PCOLCE2: variants seen among roughly 807,000 people sequenced by gnomAD.
PCOLCE2 encodes procollagen C-endopeptidase enhancer 2.
In PCOLCE2, 42 loss-of-function variants were observed where a neutral mutation model predicts 47.0. The ratio of observed to expected loss-of-function variants is 0.89; its 90% CI spans 0.70 to 1.16. The LOEUF is 1.16. Ranked by LOEUF, PCOLCE2 falls within the 50% of genes most tolerant of loss-of-function variation. The pLI, the probability that PCOLCE2 is intolerant of heterozygous loss-of-function variation, is 0.00. For synonymous variants in PCOLCE2, 169 were observed against 191.7 expected, an observed-to-expected ratio of 0.88 and a Z score of 0.98; for missense variants, 500 against 526.1, an observed-to-expected ratio of 0.95 and a Z score of 0.49.
At chr3:142,879,976 A>G (rs1318834787) in intron 2 of PCOLCE2, among the ~76,000 whole-genome samples, 1 of 151,126 alleles carries the variant, frequency 6.6e-6, no homozygotes. Context: ...ATCTCAAAAA[A>G]AAAAAAAAAA....
intron 5 of PCOLCE2, among the ~76,000 whole-genome samples, chr3:142,837,396 A>C (rs1937215572): frequency 6.6e-6 from 1 of 152,164 alleles, no homozygotes; most frequent in African/African-American, 2.4e-5. Context: ...CTGTAAACCA[A>C]ATTTGGGTAT....
chr3:142,823,610 T>G lies in PCOLCE2; in HGVS notation c.871A>C (p.Lys291Gln). Residue 291 changes from lysine (K) to glutamine (Q), a missense_variant, in exon 7 of 9, where the codon AAA (lysine) becomes CAA (glutamine). Lys to Gln is a moderately conservative substitution (Grantham distance 53, BLOSUM62 1). Transcript: ENST00000295992. Reference protein sequence around the residue: ...TTTFPVTTGLKPTVALCQQKC... With the variant: ...TTTFPVTTGLQPTVALCQQKC... ...TGTTGACACAAGGCCACGGTGGGTT[T>G]TAAACCTTAATTCAAAGAAGACATA... The G allele has an allele frequency of 6.3e-7, 1 of 1,591,832 alleles. No individual in the cohort carries two copies. The highest frequency in any genetic ancestry group is 8.6e-7 in the Non-Finnish European group (1 of 1,161,120).
At chr3:142,882,391 T>G (rs944941873) in intron 2 of PCOLCE2, among the ~76,000 whole-genome samples, 2 of 152,110 alleles carry the variant, frequency 1.3e-5, no homozygotes, top group African/African-American at 4.8e-5. Flanking sequence ...GTATTCTAGG[T>G]GGACCCCAAG....
intron 6 of PCOLCE2, chr3:142,827,662 A>T: frequency 7.0e-7 from 1 of 1,419,814 alleles, no homozygotes; most frequent in East Asian, 2.3e-5. Flanking sequence ...TCCGCTTCTT[A>T]AACCAGTACG....
At chr3:142,868,980 G>T (rs1933333527) in intron 2 of PCOLCE2, among the ~76,000 whole-genome samples, 1 of 151,922 alleles carries the variant, frequency 6.6e-6, no homozygotes, top group South Asian at 2.1e-4. Flanking sequence ...AGGCACAGGT[G>T]ACCAGCATTA....
Position 142,828,645 on chromosome 3 carries a change from C to G in PCOLCE2, c.865+1047G>C, listed in dbSNP as rs73864457. On this transcript the variant is annotated intron_variant, in intron 6 of 8. Transcript: ENST00000295992. ...GAGGCAGAAAATAGTGTGATAAAAA[C>G]AAGTTTGTATATGCTTTCATTTAAA... is the stretch of plus-strand genomic sequence containing the variant. 2.4e-3 allele frequency among the ~76,000 whole-genome samples: 373 copies of G among 152,278 alleles called. 1 individual carries two copies. Among genetic ancestry groups the G allele is most frequent in the African/African-American group, 8.8e-3 (364 of 41,550 alleles).
chr3:142,843,156 A>T, intron 3 of PCOLCE2, 108 bp from the exon 4 acceptor site: 1 of 1,081,062 alleles, frequency 9.3e-7, no homozygotes, highest in South Asian at 1.3e-5. Context: ...ACAGTAAATA[A>T]AGGCAACAGC....
At chr3:142,872,606 CCCCATT>C (rs1331517064) in intron 2 of PCOLCE2, among the ~76,000 whole-genome samples, 2 of 152,110 alleles carry the variant, frequency 1.3e-5, no homozygotes, top group Non-Finnish European at 2.9e-5. Flanking sequence ...TCTCATTGAT[CCCCATT>C]CCAACATCCT....
In PCOLCE2 at chr3:142,820,951, C is replaced by A. The variant is rs372460276; in HGVS notation, c.1044G>T (p.Ala348=). The stretch of plus-strand genomic sequence containing the variant: ...TCATGTTCTTGCCCGCCTGCTGAAT[C>A]GCCAAATTTCCCTCTTTGTAGATGT... ...IINIYKEGNL[A]IQQAGKNMSA... is the part of the protein sequence containing the mutation. The change falls in exon 8 of 9, where the codon GCG becomes GCT. Residue 348 remains alanine (A), a synonymous_variant. Coordinates refer to ENST00000295992, the MANE Select transcript of PCOLCE2 (RefSeq NM_013363.4). The A allele has an allele frequency of 1.9e-6, 3 of 1,613,964 alleles. No individual in the cohort carries two copies. The highest frequency in any genetic ancestry group is 2.5e-6 in the Non-Finnish European group (3 of 1,179,982).
intron 6 of PCOLCE2, among the ~76,000 whole-genome samples, chr3:142,826,503 T>G (rs1269028169): frequency 6.6e-6 from 1 of 152,214 alleles, no homozygotes; most frequent in Non-Finnish European, 1.5e-5. Flanking sequence ...GAAACTTTCC[T>G]TCTCAGTTTA....
intron 5 of PCOLCE2, among the ~76,000 whole-genome samples, chr3:142,830,657 G>A (rs1452791704): frequency 6.6e-6 from 1 of 152,090 alleles, no homozygotes; most frequent in Non-Finnish European, 1.5e-5. Context: ...TAGTGGAGAT[G>A]GTAAGTGAGG....
At chr3:142,836,788 G>A (rs866516125) in intron 5 of PCOLCE2, among the ~76,000 whole-genome samples, 3 of 152,050 alleles carry the variant, frequency 2.0e-5, no homozygotes, top group African/African-American at 4.8e-5. Flanking sequence ...AAGGGAGGTA[G>A]AGGATAAACA....
chr3:142,870,498 A>T (rs1011355417), intron 2 of PCOLCE2, among the ~76,000 whole-genome samples: 2 of 152,082 alleles, frequency 1.3e-5, no homozygotes, highest in Admixed American at 6.6e-5. Context: ...CGTTAGGAAG[A>T]CTCCAAACTC....
intron 7 of PCOLCE2, among the ~76,000 whole-genome samples, chr3:142,821,995 G>A (rs978303475): frequency 3.9e-5 from 6 of 151,964 alleles, no homozygotes; most frequent in Middle Eastern, 3.2e-3. Context: ...TCAGCTCACT[G>A]CAACCTCCAC....
chr3:142,887,428 A>T (rs1933736897), intron 2 of PCOLCE2: 1 of 368,766 alleles, frequency 2.7e-6, no homozygotes, highest in South Asian at 6.0e-5. Flanking sequence ...TCAGAAACAC[A>T]TCTGCTCTGA....
chr3:142,818,699 G>T (rs1388418581), intron 8 of PCOLCE2, among the ~76,000 whole-genome samples: 2 of 152,160 alleles, frequency 1.3e-5, no homozygotes, highest in African/African-American at 2.4e-5. Context: ...TCCTGCCTCA[G>T]ACTCCAAAGT....
Position 142,850,428 on chromosome 3 carries a change from G to A in PCOLCE2, c.193-1956C>T, listed in dbSNP as rs1937376799. Among the ~76,000 whole-genome samples, 4 of 152,196 alleles carry A rather than the reference G, an allele frequency of 2.6e-5. No individual in the cohort carries two copies. In the South Asian group the frequency reaches 8.3e-4, roughly 31 times the overall value. On this transcript the variant is annotated intron_variant, in intron 2 of 8. Transcript: ENST00000295992. ...GAGTGAATGTGGATAGAAAAAGGAAGAGGTCTAAGTATAGAGGCCTGGAAC... is the reference window on the plus strand; with the variant it reads ...GAGTGAATGTGGATAGAAAAAGGAAAAGGTCTAAGTATAGAGGCCTGGAAC...
At position 142,821,022 on chromosome 3, in the gene PCOLCE2, T is replaced by A; in HGVS notation, c.973A>T (p.Thr325Ser). The A allele has an allele frequency of 6.2e-7, 1 of 1,611,488 alleles. No homozygotes were observed. The highest frequency in any genetic ancestry group is 8.5e-7 in the Non-Finnish European group (1 of 1,177,884). Reference protein sequence around the residue: ...DFVLAGTVITTITRDGSLHAT... With the variant: ...DFVLAGTVITSITRDGSLHAT... ...TGCAAACTCCCATCGCGAGTGATGG[T>A]TGTGATAACAGTGCCGGCTAATACT... The change falls in exon 8 of 9, where the codon ACC becomes TCC. Residue 325 changes from threonine to serine, a missense_variant. Coordinates refer to ENST00000295992, the MANE Select transcript of PCOLCE2 (RefSeq NM_013363.4).
intron 5 of PCOLCE2, among the ~76,000 whole-genome samples, chr3:142,833,799 T>C (rs1407163433): frequency 2.0e-5 from 3 of 152,194 alleles, no homozygotes; most frequent in African/African-American, 2.4e-5. Flanking sequence ...TGTTCCTTGT[T>C]AATTTTTAGG....
Sources: gnomAD v4.1 joint callset for allele counts (sites outside exome capture counted in the v4.1 genomes callset) on GRCh38, gnomAD v4.1.1 for gene constraint, MANE v1.5 for transcripts, NCBI Gene and HGNC (gene_info 2026-07-23, HGNC 2026-07-21) for gene names.